UMPS: variants seen among roughly 807,000 people sequenced by gnomAD.
UMPS encodes uridine monophosphate synthetase.
UMPS carries 21 observed loss-of-function variants against 38.9 expected under a neutral mutation model. That is an observed-to-expected ratio of 0.54 (90% CI 0.38 to 0.78). The LOEUF is 0.78. UMPS is among the 30% of genes least tolerant of loss of function. The pLI, the probability that UMPS is intolerant of heterozygous loss-of-function variation, is 0.00. For missense variants in UMPS, 533 were observed against 591.6 expected, an observed-to-expected ratio of 0.90 and a Z score of 1.03; for synonymous variants, 208 against 219.3, an observed-to-expected ratio of 0.95 and a Z score of 0.45.
intron 1 of UMPS, among the ~76,000 whole-genome samples, chr3:124,732,709 CAT>C (rs2063488537): frequency 6.6e-6 from 1 of 152,154 alleles, no homozygotes; most frequent in African/African-American, 2.4e-5. Context: ...ATCAAGAAGA[CAT>C]ATAAGTTTCC....
intron 3 of UMPS, among the ~76,000 whole-genome samples, chr3:124,739,755 C>T (rs559389980): frequency 1.4e-4 from 22 of 152,304 alleles, no homozygotes; most frequent in African/African-American, 2.2e-4. Context: ...GAAAAAGAGT[C>T]CTGTTAGTGT....
chr3:124,745,321 T>C lies in UMPS; in HGVS notation c.*1237T>C, dbSNP rs544931722. The C allele has an allele frequency of 2.0e-4, 91 of 453,654 alleles. No homozygotes were observed. The highest frequency in any genetic ancestry group is 1.8e-3 in the African/African-American group (89 of 49,968). 28.1% of individuals were successfully genotyped at this position (453,654 alleles called of 1,614,324 possible). ...AGGATCAGCCATTTCCCCACCCTTGTCAGCTGATGGCCCACTGTTCTTTAA... is the reference window on the plus strand; with the variant it reads ...AGGATCAGCCATTTCCCCACCCTTGCCAGCTGATGGCCCACTGTTCTTTAA... On this transcript the variant is annotated 3_prime_UTR_variant, in exon 6 of 6. Coordinates refer to ENST00000232607, the MANE Select transcript of UMPS (RefSeq NM_000373.4).
chr3:124,738,171 A>C lies in UMPS; in HGVS notation c.914A>C (p.His305Pro), dbSNP rs1403897947. The C allele has an allele frequency of 1.2e-6, 2 of 1,614,232 alleles. No homozygotes were observed. Among genetic ancestry groups the C allele is most frequent in the Non-Finnish European group, 1.7e-6 (2 of 1,180,048 alleles). Residue 305 changes from histidine (H) to proline (P), a missense_variant, in exon 3 of 6, where the codon CAT becomes CCT. Physicochemically the swap from His to Pro is moderately conservative, Grantham distance 77. Transcript: ENST00000232607. ...MKELITLAKC[H>P]EFLIFEDRKF... ...GAGTTGATAACTCTGGCAAAATGCC[A>C]TGAGTTCTTGATATTTGAAGACCGG...
rs759632782 is a variant in UMPS at position 124,737,659 on chromosome 3, A to G, written c.402A>G (p.Glu134=). 6.2e-7 allele frequency: 1 copy of G among 1,614,198 alleles called. No individual in the cohort carries two copies. Among genetic ancestry groups the G allele is most frequent in the South Asian group, 1.1e-5 (1 of 91,078 alleles). ...TCACCAGTGGATCTAGTGTTTTGGA[A>G]ACTGTTGAGGTTCTTCAGAAGGAGG... ...DVVTSGSSVL[E]TVEVLQKEGL... The change falls in exon 3 of 6, where the codon GAA becomes GAG. Residue 134 remains glutamate, a synonymous_variant. Transcript: ENST00000232607.
chr3:124,740,251 G>T lies in UMPS; in HGVS notation c.1158+52G>T, dbSNP rs1241372291. On this transcript the variant is annotated intron_variant, in intron 4 of 5. Coordinates refer to ENST00000232607, the MANE Select transcript of UMPS (RefSeq NM_000373.4). Reference sequence around the variant, plus strand: ...GGGGGCAGGGGCTGCTATGCTGCATGCTGCAAGAAGATATCTCCTAATCTG... The same window carrying T: ...GGGGGCAGGGGCTGCTATGCTGCATTCTGCAAGAAGATATCTCCTAATCTG... The T allele has an allele frequency of 2.6e-6, 4 of 1,521,410 alleles. No individual in the cohort carries two copies. In the Admixed American group the frequency reaches 8.5e-5, roughly 32 times the overall value. The allele number at this position is 1,521,410 out of a possible 1,614,324, so 94.2% of individuals were successfully genotyped here.
At position 124,738,185 on chromosome 3, in the gene UMPS, T is replaced by G. The variant is rs755476006; in HGVS notation, c.928T>G (p.Phe310Val). 54 of 1,614,072 alleles carry G rather than the reference T, an allele frequency of 3.3e-5. No individual in the cohort carries two copies. The South Asian group carries it at 5.7e-4, about 17-fold the overall frequency. Residue 310 changes from phenylalanine to valine, a missense_variant, in exon 3 of 6, where the codon TTT (phenylalanine) becomes GTT (valine). Phe to Val is a conservative substitution (Grantham distance 50). Coordinates refer to ENST00000232607, the MANE Select transcript of UMPS (RefSeq NM_000373.4). Reference protein sequence around the residue: ...TLAKCHEFLIFEDRKFADIGN... With the variant: ...TLAKCHEFLIVEDRKFADIGN... ...GGCAAAATGCCATGAGTTCTTGATATTTGAAGACCGGAAGTTTGCAGATAT... is the reference window on the plus strand; with the variant it reads ...GGCAAAATGCCATGAGTTCTTGATAGTTGAAGACCGGAAGTTTGCAGATAT...
chr3:124,743,630 T>C (rs1319607603), intron 5 of UMPS, among the ~76,000 whole-genome samples: 3 of 151,476 alleles, frequency 2.0e-5, no homozygotes, highest in African/African-American at 7.3e-5. Flanking sequence ...AGAGCGAGAC[T>C]CCGTCTCAAA....
chr3:124,739,498 A>C (rs558253229), intron 3 of UMPS, among the ~76,000 whole-genome samples: 1 of 151,524 alleles, frequency 6.6e-6, no homozygotes, highest in African/African-American at 2.4e-5. Context: ...CACCTAGCTA[A>C]TTTTTTTGTA....
chr3:124,735,303 A>G, intron 2 of UMPS, 57 bp downstream of exon 2: 2 of 1,526,944 alleles, frequency 1.3e-6, no homozygotes, highest in Admixed American at 1.8e-5. Context: ...TCATACTCTT[A>G]GAATTTTTCC....
rs957194313 is a variant in UMPS, at chr3:124,746,640, G to C, written c.*2556G>C. On this transcript the variant is annotated 3_prime_UTR_variant, in exon 6 of 6. Coordinates refer to ENST00000232607, the MANE Select transcript of UMPS (RefSeq NM_000373.4). ...CTCCTGGTCTTAGTGGGGAATATAG[G>C]GACCCCATGTCTCCATGGGGTGCAC... is the stretch of plus-strand genomic sequence containing the variant. The C allele has an allele frequency of 1.1e-5, 5 of 453,914 alleles. No individual in the cohort carries two copies. Among genetic ancestry groups the C allele is most frequent in the African/African-American group, 1.0e-4 (5 of 49,958 alleles). 28.1% of individuals were successfully genotyped at this position (453,914 alleles called of 1,614,324 possible).
At chr3:124,742,937 ATTG>A (rs1187399667) in intron 5 of UMPS, among the ~76,000 whole-genome samples, 1 of 152,142 alleles carries the variant, frequency 6.6e-6, no homozygotes, top group Non-Finnish European at 1.5e-5. Flanking sequence ...TTTTTAATAT[ATTG>A]TTAAGCTACA....
Position 124,741,391 on chromosome 3 carries a change from G to A in UMPS, c.1159-761G>A, listed in dbSNP as rs187856624. Reference sequence around the variant, plus strand: ...GGAAGTATGGGAGTCACGTCTCGGGGAAAGTACCTACCGAATCAGAAAGCC... The same window carrying A: ...GGAAGTATGGGAGTCACGTCTCGGGAAAAGTACCTACCGAATCAGAAAGCC... On this transcript the variant is annotated intron_variant, in intron 4 of 5. Coordinates refer to ENST00000232607, the MANE Select transcript of UMPS (RefSeq NM_000373.4). Among the ~76,000 whole-genome samples, 90 of 152,316 alleles carry A rather than the reference G, an allele frequency of 5.9e-4. 1 individual carries two copies. In the Middle Eastern group the frequency reaches 0.01, roughly 17 times the overall value.
At chr3:124,734,107 A>C (rs2063499759) in intron 1 of UMPS, among the ~76,000 whole-genome samples, 1 of 152,322 alleles carries the variant, frequency 6.6e-6, no homozygotes, top group East Asian at 1.9e-4. Flanking sequence ...AAACAGTTCT[A>C]AGATAATATG....
chr3:124,744,274 C>A lies in UMPS; in HGVS notation c.*190C>A. ...GTAATTTGTAATCACCGCATTGATA[C>A]TATAATAAGTTCATTCTTAAGCTTG... On this transcript the variant is annotated 3_prime_UTR_variant, in exon 6 of 6. Coordinates refer to ENST00000232607, the MANE Select transcript of UMPS (RefSeq NM_000373.4). 1 of 722,710 alleles carries A rather than the reference C, an allele frequency of 1.4e-6. No individual in the cohort carries two copies. The highest frequency in any genetic ancestry group is 1.5e-5 in the South Asian group (1 of 67,464). 44.8% of individuals were successfully genotyped at this position (722,710 alleles called of 1,614,324 possible).
intron 3 of UMPS, 43 bp downstream of exon 3, chr3:124,738,282 C>G: frequency 6.3e-7 from 1 of 1,595,464 alleles, no homozygotes; most frequent in Non-Finnish European, 8.6e-7. Context: ...AGAAATCCAG[C>G]TTAAACTGAA....
In UMPS at chr3:124,735,040, A is replaced by G. The variant is rs2063507995; in HGVS notation, c.157-53A>G. On this transcript the variant is annotated intron_variant, in intron 1 of 5. Coordinates refer to ENST00000232607, the MANE Select transcript of UMPS (RefSeq NM_000373.4). ...CATCTCAAAAAATAAAAAATATAAA[A>G]TAAAATAAAATAGTTACAATAAAAC... The G allele has an allele frequency of 3.4e-6, 5 of 1,489,138 alleles. No homozygotes were observed. The South Asian group carries it at 6.5e-5, about 19-fold the overall frequency. The allele number at this position is 1,489,138 out of a possible 1,614,324, so 92.2% of individuals were successfully genotyped here.
At position 124,747,356 on chromosome 3, in the gene UMPS, GCCGCT is replaced by G. The variant is rs1174263977; in HGVS notation, c.*3273_*3277del. 1 of 454,980 alleles carries G rather than the reference GCCGCT, an allele frequency of 2.2e-6. No individual in the cohort carries two copies. The highest frequency in any genetic ancestry group is 4.4e-6 in the Non-Finnish European group (1 of 226,746). 28.2% of individuals were successfully genotyped at this position (454,980 alleles called of 1,614,324 possible). ...GGAGAGCCAACAGCAGAGGGTGCTG[GCCGCT>G]GAGCTAGCTGCTAATGCTGGCCTGG... is the stretch of plus-strand genomic sequence containing the variant. On this transcript the variant is annotated 3_prime_UTR_variant, in exon 6 of 6. Coordinates refer to ENST00000232607, the MANE Select transcript of UMPS (RefSeq NM_000373.4).
intron 3 of UMPS, among the ~76,000 whole-genome samples, chr3:124,739,010 T>TGTG (rs1317168454): frequency 1.3e-5 from 2 of 152,260 alleles, no homozygotes; most frequent in Admixed American, 1.3e-4. Flanking sequence ...AATGTATGCA[T>TGTG]GTTCATAAGC....
At chr3:124,743,670 A>G (rs1447903109) in intron 5 of UMPS, among the ~76,000 whole-genome samples, 2 of 151,896 alleles carry the variant, frequency 1.3e-5, no homozygotes, top group Non-Finnish European at 2.9e-5. Flanking sequence ...AAATAAATAA[A>G]TAAATAAATA....
Sources: allele counts gnomAD v4.1 joint callset (sites outside exome capture counted in the v4.1 genomes callset), GRCh38; gene constraint gnomAD v4.1.1; transcripts MANE v1.5; gene names NCBI Gene and HGNC (gene_info 2026-07-23, HGNC 2026-07-21).